The following RXRA variants were observed in gnomAD, a reference collection of about 807,000 sequenced individuals.
RXRA encodes the protein retinoid X receptor alpha.
RXRA carries 5 observed loss-of-function variants against 44.5 expected under a neutral mutation model. The observed-to-expected ratio is 0.11, with a 90% CI of 0.06 to 0.24. RXRA has a LOEUF of 0.24. Among genes scored for constraint, RXRA ranks in the 10% least tolerant of loss-of-function variants. The pLI, the probability that RXRA is intolerant of heterozygous loss-of-function variation, is 1.00. For synonymous variants in RXRA, 291 were observed against 271.4 expected, an observed-to-expected ratio of 1.07 and a Z score of -0.71; for missense variants, 412 against 646.5, an observed-to-expected ratio of 0.64 and a Z score of 3.93.
At position 134,425,241 on chromosome 9, in the gene RXRA, A is replaced by G; in HGVS notation, c.910+3436A>G. On this transcript the variant is annotated intron_variant, in intron 6 of 9. Coordinates refer to ENST00000481739, the MANE Select transcript of RXRA (RefSeq NM_002957.6). ...TCACACGTGTCTGCTCCTGTGGGGT[A>G]GGGCCCCTTCCTTGGGGTGGGCTGC... 3 of 985,310 alleles carry G rather than the reference A, an allele frequency of 3.0e-6. No individual in the cohort carries two copies. The South Asian group carries it at 1.4e-4, about 46-fold the overall frequency. The allele number at this position is 985,310 out of a possible 1,614,324, so 61.0% of individuals were successfully genotyped here.
chr9:134,339,442 TGTGA>T (rs1430689978), intron 1 of RXRA, among the ~76,000 whole-genome samples: 18 of 151,396 alleles, frequency 1.2e-4, no homozygotes, highest in African/African-American at 3.2e-4. Context: ...GCCATGCCTG[TGTGA>T]GTGTGTGCCT....
chr9:134,391,493 C>T (rs1260758594), intron 1 of RXRA, among the ~76,000 whole-genome samples: 1 of 152,200 alleles, frequency 6.6e-6, no homozygotes, highest in Non-Finnish European at 1.5e-5. Context: ...GGGGCCCCCT[C>T]GCCACACAGG....
At chr9:134,429,410 T>G (rs6413517) in intron 7 of RXRA, among the ~76,000 whole-genome samples, 170 bp downstream of exon 7, 4,667 of 152,368 alleles carry the variant, frequency 0.031, 92 homozygotes, top group East Asian at 0.08. Flanking sequence ...CAGAGCCCTG[T>G]GCCAGCCCTG....
intron 1 of RXRA, among the ~76,000 whole-genome samples, chr9:134,390,375 A>C (rs1830782055): frequency 1.3e-5 from 2 of 152,172 alleles, no homozygotes; most frequent in Admixed American, 1.3e-4. Context: ...AGAAGTTCCC[A>C]GGGCTCCCCA....
intron 1 of RXRA, among the ~76,000 whole-genome samples, chr9:134,357,851 C>T (rs554071626): frequency 1.4e-4 from 21 of 152,242 alleles, no homozygotes; most frequent in Non-Finnish European, 3.1e-4. Context: ...CCCTGGCAAC[C>T]TTCACACTGT....
At chr9:134,398,457 A>G in intron 1 of RXRA, among the ~76,000 whole-genome samples, 1 of 151,954 alleles carries the variant, frequency 6.6e-6, no homozygotes, top group East Asian at 1.9e-4. Flanking sequence ...GCCAAAAAGC[A>G]TCTCTCTCTA....
intron 4 of RXRA, among the ~76,000 whole-genome samples, chr9:134,416,097 G>A (rs1831229922): frequency 6.6e-6 from 1 of 152,072 alleles, no homozygotes; most frequent in Admixed American, 6.5e-5. Context: ...CGGGGGAACC[G>A]CCCATAAGCC....
chr9:134,382,232 C>T (rs1243106624), intron 1 of RXRA, among the ~76,000 whole-genome samples: 1 of 151,950 alleles, frequency 6.6e-6, no homozygotes, highest in Non-Finnish European at 1.5e-5. Context: ...GCCCCTGTGG[C>T]CGGCCGCATG....
At chr9:134,432,363 G>A (rs995123511) in intron 8 of RXRA, among the ~76,000 whole-genome samples, 1 of 152,244 alleles carries the variant, frequency 6.6e-6, no homozygotes, top group Non-Finnish European at 1.5e-5. Context: ...GGAGTCCCAA[G>A]CCCTGCAGGC....
intron 1 of RXRA, among the ~76,000 whole-genome samples, chr9:134,377,227 G>A (rs1348467061): frequency 6.6e-6 from 1 of 152,208 alleles, no homozygotes; most frequent in African/African-American, 2.4e-5. Context: ...GCAGTGTTGG[G>A]GTTACTGATC....
intron 1 of RXRA, among the ~76,000 whole-genome samples, chr9:134,364,755 C>T (rs1830393496): frequency 6.6e-6 from 1 of 152,162 alleles, no homozygotes; most frequent in Admixed American, 6.5e-5. Flanking sequence ...ATTGGAGACC[C>T]CCTGGGGTTC....
At chr9:134,373,853 A>T (rs1427557598) in intron 1 of RXRA, among the ~76,000 whole-genome samples, 1 of 152,238 alleles carries the variant, frequency 6.6e-6, no homozygotes, top group African/African-American at 2.4e-5. Context: ...AAAAATTTAA[A>T]AATTAGAGAC....
rs767446525 is a variant in RXRA, at chr9:134,408,138, G to T, written c.280-11G>T. ...GTACACCCCGCTGACTGCTGTGGTTGCCCCCCCCAGCTCAGCTCACCTATG... is the reference window on the plus strand; with the variant it reads ...GTACACCCCGCTGACTGCTGTGGTTTCCCCCCCCAGCTCAGCTCACCTATG... On this transcript the variant is annotated splice_polypyrimidine_tract_variant and intron_variant, in intron 2 of 9. Transcript: ENST00000481739. 2 of 1,503,068 alleles carry T rather than the reference G, an allele frequency of 1.3e-6. No homozygotes were observed. Among genetic ancestry groups the T allele is most frequent in the East Asian group, 2.4e-5 (1 of 42,208 alleles). 93.1% of individuals were successfully genotyped at this position (1,503,068 alleles called of 1,614,324 possible).
intron 1 of RXRA, among the ~76,000 whole-genome samples, chr9:134,337,253 T>A (rs1410493013): frequency 6.6e-6 from 1 of 151,830 alleles, no homozygotes; most frequent in Non-Finnish European, 1.5e-5. Context: ...GTGTGGGGGG[T>A]CAAGGCCAGC....
At chr9:134,329,906 C>T (rs1405476800) in intron 1 of RXRA, among the ~76,000 whole-genome samples, 2 of 152,160 alleles carry the variant, frequency 1.3e-5, no homozygotes, top group Non-Finnish European at 2.9e-5. Flanking sequence ...GGGGTGTGCC[C>T]CTCTGCCCCT....
chr9:134,350,510 T>A (rs574387684), intron 1 of RXRA, among the ~76,000 whole-genome samples: 81 of 152,284 alleles, frequency 5.3e-4, no homozygotes, highest in African/African-American at 1.8e-3. Context: ...CGGAGGCCTG[T>A]GGTTTCCGGC....
chr9:134,380,242 A>G, intron 1 of RXRA: 1 of 960,890 alleles, frequency 1.0e-6, no homozygotes, highest in Non-Finnish European at 1.2e-6. Context: ...CGATCCCAGG[A>G]TGGGAGTGGG....
intron 1 of RXRA, among the ~76,000 whole-genome samples, chr9:134,382,288 T>C (rs1008774060): frequency 4.6e-5 from 7 of 152,036 alleles, no homozygotes; most frequent in African/African-American, 1.4e-4. Context: ...TGTGTGTGTG[T>C]GTGTGCGCTT....
At chr9:134,331,417 G>A (rs1835003815) in intron 1 of RXRA, among the ~76,000 whole-genome samples, 2 of 152,202 alleles carry the variant, frequency 1.3e-5, no homozygotes, top group Non-Finnish European at 2.9e-5. Context: ...GGGCTTGGGT[G>A]TGTGCACGCT....
Sources: gnomAD v4.1 joint callset for allele counts (sites outside exome capture counted in the v4.1 genomes callset) on GRCh38, gnomAD v4.1.1 for gene constraint, MANE v1.5 for transcripts, NCBI Gene and HGNC (gene_info 2026-07-23, HGNC 2026-07-21) for gene names.